The following NFYA variants were observed in gnomAD, a reference collection of about 807,000 sequenced individuals.
The protein encoded by NFYA is nuclear transcription factor Y subunit alpha.
A neutral mutation model predicts 52.8 loss-of-function variants in NFYA; 28 were observed. That is an observed-to-expected ratio of 0.53 (90% CI 0.39 to 0.73). The LOEUF (loss-of-function observed/expected upper bound fraction) is 0.73. Among genes scored for constraint, NFYA ranks in the 30% least tolerant of loss-of-function variants. The pLI is 0.00. For missense variants in NFYA, 234 were observed against 427.0 expected (o/e 0.55, Z 3.98); for synonymous variants, 150 against 150.7 (o/e 1.00, Z 0.03).
chr6:41,073,435 A>G (rs556487634), intron 1 of NFYA, among the ~76,000 whole-genome samples: 84 of 151,868 alleles, frequency 5.5e-4, no homozygotes, highest in African/African-American at 1.8e-3. Context: ...ATGGCCCTAC[A>G]CTAGGGGACA....
At chr6:41,092,708 C>T (rs1764228379) in intron 7 of NFYA, among the ~76,000 whole-genome samples, 1 of 152,130 alleles carries the variant, frequency 6.6e-6, no homozygotes, top group Admixed American at 6.6e-5. Flanking sequence ...GCACCTGAAT[C>T]TCCTATGACA....
At chr6:41,089,307 G>C (rs1225984301) in intron 4 of NFYA, among the ~76,000 whole-genome samples, 2 of 152,126 alleles carry the variant, frequency 1.3e-5, no homozygotes, top group Admixed American at 6.5e-5. Flanking sequence ...AAATATGCAT[G>C]CTTTTCAATA....
intron 5 of NFYA, 90 bp from the exon 6 acceptor site, chr6:41,090,113 CA>C: frequency 2.3e-6 from 2 of 884,956 alleles, no homozygotes; most frequent in Non-Finnish European, 3.5e-6. Flanking sequence ...GACTCTGTCT[CA>C]AAAAAATAAT....
chr6:41,097,705 G>A lies in NFYA; in HGVS notation c.*295G>A, dbSNP rs1764400086. 3.4e-6 allele frequency: 1 copy of A among 291,212 alleles called. No homozygotes were observed. 18.0% of individuals were successfully genotyped at this position (291,212 alleles called of 1,614,324 possible). On this transcript the variant is annotated 3_prime_UTR_variant, in exon 10 of 10. Transcript: ENST00000341376. The stretch of plus-strand genomic sequence containing the variant: ...ACATGCCACCCCAGCAGTACACAAA[G>A]CACTTACCTTGACTGGTGAAGTCAG...
At chr6:41,086,606 A>C (rs1224497280) in intron 4 of NFYA, among the ~76,000 whole-genome samples, 2 of 152,128 alleles carry the variant, frequency 1.3e-5, no homozygotes, top group Non-Finnish European at 2.9e-5. Context: ...TCTATTTTAG[A>C]ATCCTAGTAA....
intron 6 of NFYA, among the ~76,000 whole-genome samples, chr6:41,091,195 T>A (rs1347246010): frequency 2.6e-5 from 4 of 152,246 alleles, no homozygotes; most frequent in Non-Finnish European, 5.9e-5. Context: ...CTGAAGCAGA[T>A]TGCTCATTAT....
At position 41,100,824 on chromosome 6, in the gene NFYA, CCAG is replaced by C. The variant is rs1200246587; in HGVS notation, c.*3416_*3418del. On this transcript the variant is annotated 3_prime_UTR_variant, in exon 10 of 10. Coordinates refer to ENST00000341376, the MANE Select transcript of NFYA (RefSeq NM_002505.5). ...TTTGAAAGCGCAGACCGCCGCACCT[CCAG>C]CCCCTTCTCCCCGGGGAAGTAGGCC... Among the ~76,000 whole-genome samples, 2 of 152,210 alleles carry C rather than the reference CCAG, an allele frequency of 1.3e-5. No individual in the cohort carries two copies. The highest frequency in any genetic ancestry group is 2.9e-5 in the Non-Finnish European group (2 of 68,040).
At chr6:41,077,601 TCA>T (rs1313465217) in intron 1 of NFYA, among the ~76,000 whole-genome samples, 9 of 152,230 alleles carry the variant, frequency 5.9e-5, no homozygotes, top group Admixed American at 5.2e-4. Context: ...CCTAACAGAC[TCA>T]CAGTCTGGCT....
chr6:41,091,934 G>A (rs1297396220), intron 7 of NFYA, among the ~76,000 whole-genome samples: 1 of 152,138 alleles, frequency 6.6e-6, no homozygotes, highest in Non-Finnish European at 1.5e-5. Context: ...TGGATAAATA[G>A]TGATTTTATG....
At chr6:41,094,567 G>A (rs1764295791) in intron 9 of NFYA, 70 bp downstream of exon 9, 3 of 1,164,038 alleles carry the variant, frequency 2.6e-6, no homozygotes, top group Non-Finnish European at 3.8e-6. Flanking sequence ...GCCTTCAGCA[G>A]TGTCCTCTTG....
intron 6 of NFYA, 64 bp from the exon 7 acceptor site, chr6:41,091,464 A>C: frequency 6.6e-7 from 1 of 1,523,620 alleles, no homozygotes; most frequent in African/African-American, 1.4e-5. Flanking sequence ...GGGACTAACT[A>C]TGTTCCCTTC....
At chr6:41,079,709 G>T (rs188716169) in intron 2 of NFYA, among the ~76,000 whole-genome samples, 2 of 151,930 alleles carry the variant, frequency 1.3e-5, no homozygotes, top group Non-Finnish European at 2.9e-5. Flanking sequence ...TTATACACAG[G>T]TTACATTTTC....
In NFYA at chr6:41,102,227, C is replaced by T. The variant is rs1411693555; in HGVS notation, c.*4817C>T. The T allele has an allele frequency of 6.6e-6, 1 of 152,130 alleles. No homozygotes were observed. The highest frequency in any genetic ancestry group is 1.5e-5 in the Non-Finnish European group (1 of 68,036). 9.4% of individuals were successfully genotyped at this position (152,130 alleles called of 1,614,324 possible). On this transcript the variant is annotated 3_prime_UTR_variant, in exon 10 of 10. Transcript: ENST00000341376. ...TACCAAAGGGTCATTCCTTTAGCAT[C>T]ATTCATCTTTGGTTTCTTCAAGTTG...
At chr6:41,084,273 T>G in intron 4 of NFYA, 81 bp downstream of exon 4, 1 of 1,473,424 alleles carries the variant, frequency 6.8e-7, no homozygotes, top group South Asian at 1.3e-5. Context: ...ATTTGATAAT[T>G]GATATTGCAT....
At chr6:41,074,766 CTA>C (rs1429328696) in intron 1 of NFYA, among the ~76,000 whole-genome samples, 1 of 152,134 alleles carries the variant, frequency 6.6e-6, no homozygotes, top group Non-Finnish European at 1.5e-5. Flanking sequence ...GGATCTAGAG[CTA>C]TATTTTTTCC....
chr6:41,080,455 A>C (rs1483912129), intron 2 of NFYA, among the ~76,000 whole-genome samples: 2 of 152,164 alleles, frequency 1.3e-5, no homozygotes, highest in Non-Finnish European at 2.9e-5. Context: ...ATTAAAACCT[A>C]ATCATTTTTT....
chr6:41,086,519 G>T (rs1010644016), intron 4 of NFYA, among the ~76,000 whole-genome samples: 7 of 149,306 alleles, frequency 4.7e-5, no homozygotes. Context: ...CCTTTGTATA[G>T]GAGTTTTTTT....
intron 1 of NFYA, among the ~76,000 whole-genome samples, chr6:41,078,485 A>G (rs1055069628): frequency 3.9e-5 from 6 of 152,114 alleles, no homozygotes; most frequent in African/African-American, 1.4e-4. Flanking sequence ...GCTAACTTAT[A>G]TCATTTTAAT....
intron 3 of NFYA, among the ~76,000 whole-genome samples, chr6:41,081,305 T>G (rs1054276628): frequency 6.6e-6 from 1 of 152,034 alleles, no homozygotes; most frequent in African/African-American, 2.4e-5. Context: ...CTGGCAAACA[T>G]GGTGAAACCC....
Sources: gnomAD v4.1 joint callset for allele counts (sites outside exome capture counted in the v4.1 genomes callset) on GRCh38, gnomAD v4.1.1 for gene constraint, MANE v1.5 for transcripts, NCBI Gene and HGNC (gene_info 2026-07-23, HGNC 2026-07-21) for gene names.